Variants in SASH1 observed in about 807,000 individuals in gnomAD.
The protein encoded by SASH1 is SAM and SH3 domain containing 1.
A neutral mutation model predicts 125.2 loss-of-function variants in SASH1; 44 were observed. The ratio of observed to expected loss-of-function variants is 0.35; its 90% CI spans 0.28 to 0.45. The LOEUF (loss-of-function observed/expected upper bound fraction) is 0.45. Ranked by LOEUF, SASH1 falls within the 20% of genes least tolerant of loss-of-function variation. SASH1 has a pLI of 1.00. For synonymous variants in SASH1, 639 were observed against 649.1 expected, an observed-to-expected ratio of 0.98 and a Z score of 0.24; for missense variants, 1,426 against 1,614.5, an observed-to-expected ratio of 0.88 and a Z score of 2.00.
intron 8 of SASH1, among the ~76,000 whole-genome samples, chr6:148,499,480 A>G (rs1015476010): frequency 4.6e-5 from 7 of 152,334 alleles, no homozygotes; most frequent in Middle Eastern, 3.4e-3. Flanking sequence ...AGTACCCACT[A>G]TGTGCCAGTC....
intron 1 of SASH1, among the ~76,000 whole-genome samples, chr6:148,310,254 G>A (rs985588702): frequency 5.3e-5 from 8 of 152,020 alleles, no homozygotes; most frequent in Non-Finnish European, 1.2e-4. Flanking sequence ...CCCAGGAGAC[G>A]GAGGTTGCAG....
intron 11 of SASH1, among the ~76,000 whole-genome samples, chr6:148,526,456 G>T (rs1424312567): frequency 6.6e-6 from 1 of 152,006 alleles, no homozygotes; most frequent in Non-Finnish European, 1.5e-5. Flanking sequence ...TATGATCATG[G>T]GTCAGCTAAA....
Position 148,544,956 on chromosome 6 carries a change from C to CCTT in SASH1, c.3348+138_3348+139insCTT, listed in dbSNP as rs1583339569. On this transcript the variant is annotated intron_variant, in intron 18 of 19. Transcript: ENST00000367467. The surrounding 1 kb of genome is among the most constrained non-coding windows in gnomAD (Gnocchi z 6.4). Reference sequence around the variant, plus strand: ...GGAGACACCTGAATCCACGTGTCCACACCTTACTTGACATGCATGTGTTCA... The same window carrying CCTT: ...GGAGACACCTGAATCCACGTGTCCACCTTACCTTACTTGACATGCATGTGTTCA... The CCTT allele has an allele frequency of 1.4e-6, 1 of 691,700 alleles. No individual in the cohort carries two copies. Among genetic ancestry groups the CCTT allele is most frequent in the East Asian group, 2.7e-5 (1 of 36,552 alleles). The allele number at this position is 691,700 out of a possible 1,614,324, so 42.8% of individuals were successfully genotyped here. A position where few individuals can be genotyped will look rare whatever the true frequency, so the allele number is the denominator to read the frequency against.
chr6:148,438,997 A>G (rs1230173305), intron 2 of SASH1, among the ~76,000 whole-genome samples: 1 of 152,174 alleles, frequency 6.6e-6, no homozygotes, highest in Non-Finnish European at 1.5e-5. Context: ...TGCTACTTTT[A>G]TACATCAACA....
chr6:148,199,365 T>C, the SASH1 span, among the ~76,000 whole-genome samples: 1 of 144,778 alleles, frequency 6.9e-6, no homozygotes, highest in Admixed American at 6.9e-5. Context: ...AGTGCAAGAC[T>C]CCGTCTCAAG....
At chr6:148,417,966 T>G (rs1784895451) in intron 2 of SASH1, among the ~76,000 whole-genome samples, 1 of 152,168 alleles carries the variant, frequency 6.6e-6, no homozygotes, top group African/African-American at 2.4e-5. Context: ...AGCTCCAGGA[T>G]TGGCCCTGGC....
At chr6:148,536,104 A>C (rs1781830563) in intron 16 of SASH1, among the ~76,000 whole-genome samples, 1 of 152,162 alleles carries the variant, frequency 6.6e-6, no homozygotes, top group Non-Finnish European at 1.5e-5. Flanking sequence ...TTCATAGTTA[A>C]TATCACTTTA....
chr6:148,410,852 A>C (rs1313131024), intron 2 of SASH1, among the ~76,000 whole-genome samples: 1 of 152,162 alleles, frequency 6.6e-6, no homozygotes, highest in Non-Finnish European at 1.5e-5. Flanking sequence ...AGCTTTGCTC[A>C]CACATCTGTG....
chr6:148,411,968 G>A (rs1241087366), intron 2 of SASH1, among the ~76,000 whole-genome samples: 1 of 152,218 alleles, frequency 6.6e-6, no homozygotes, highest in Non-Finnish European at 1.5e-5. Flanking sequence ...ACTCTTGATA[G>A]ATTTTTCATC....
intron 1 of SASH1, among the ~76,000 whole-genome samples, chr6:148,348,952 C>T (rs1454710552): frequency 1.3e-5 from 2 of 152,238 alleles, no homozygotes; most frequent in Non-Finnish European, 2.9e-5. Context: ...GGATCAGCAA[C>T]CCAGGAGCGT....
chr6:148,353,503 C>T (rs968851289), intron 1 of SASH1, among the ~76,000 whole-genome samples: 17 of 138,354 alleles, frequency 1.2e-4, no homozygotes, highest in South Asian at 2.3e-4. Flanking sequence ...GGCGCGATCT[C>T]GGCTCACTGC....
intron 2 of SASH1, among the ~76,000 whole-genome samples, chr6:148,408,932 C>T (rs1356436195): frequency 6.6e-6 from 1 of 152,220 alleles, no homozygotes; most frequent in East Asian, 1.9e-4. Context: ...GAGAAAAAGG[C>T]AGCCCCTGCC....
intron 4 of SASH1, among the ~76,000 whole-genome samples, chr6:148,456,691 T>C (rs1438096974): frequency 1.3e-5 from 2 of 151,842 alleles, no homozygotes; most frequent in Admixed American, 1.3e-4. Context: ...CGAAATCCTG[T>C]CTCTACAAAA....
chr6:148,285,830 T>A (rs1472759101), intron 1 of SASH1, among the ~76,000 whole-genome samples: 1 of 152,216 alleles, frequency 6.6e-6, no homozygotes, highest in Non-Finnish European at 1.5e-5. Flanking sequence ...GATGTCTGAA[T>A]TATAGATTTG....
the SASH1 span, among the ~76,000 whole-genome samples, chr6:148,262,097 C>T: frequency 6.6e-6 from 1 of 151,212 alleles, no homozygotes; most frequent in African/African-American, 2.4e-5. Flanking sequence ...ACAAACTGCA[C>T]ACATACACAC....
the SASH1 span, among the ~76,000 whole-genome samples, chr6:148,244,936 G>A: frequency 4.2e-3 from 477 of 114,776 alleles, 2 homozygotes; most frequent in Middle Eastern, 8.9e-3. Context: ...GTGTGTATGT[G>A]TGTGTGTGTG....
upstream of SASH1, among the ~76,000 whole-genome samples, chr6:148,271,816 G>T (rs1779069644): frequency 6.6e-6 from 1 of 152,094 alleles, no homozygotes; most frequent in Non-Finnish European, 1.5e-5. Flanking sequence ...GGAAGTCTTG[G>T]AATAGTCCTC....
chr6:148,355,327 A>T (rs1457807510), intron 1 of SASH1, among the ~76,000 whole-genome samples: 1 of 152,220 alleles, frequency 6.6e-6, no homozygotes, highest in East Asian at 1.9e-4. Flanking sequence ...CTCACCTAAC[A>T]TGTGACGCCC....
At chr6:148,410,752 G>C (rs1784590445) in intron 2 of SASH1, among the ~76,000 whole-genome samples, 1 of 152,200 alleles carries the variant, frequency 6.6e-6, no homozygotes, top group Non-Finnish European at 1.5e-5. Context: ...AGATATGAGT[G>C]TTCAGTGTAA....
Sources: allele counts gnomAD v4.1 joint callset (sites outside exome capture counted in the v4.1 genomes callset), GRCh38; gene constraint gnomAD v4.1.1; non-coding constraint Gnocchi (gnomAD v3.1); transcripts MANE v1.5; gene names NCBI Gene and HGNC (gene_info 2026-07-23, HGNC 2026-07-21).